The following STK3 variants were observed in gnomAD, a reference collection of about 807,000 sequenced individuals.
STK3 encodes serine/threonine kinase 3.
A neutral mutation model predicts 58.0 loss-of-function variants in STK3; 41 were observed. The ratio of observed to expected loss-of-function variants is 0.71; its 90% CI spans 0.55 to 0.92. The LOEUF is 0.92. STK3 is among the 40% of genes least tolerant of loss of function. The probability of loss-of-function intolerance (pLI) is 0.00; values close to 1 mark genes in which losing one functional copy is unlikely to be tolerated. For missense variants in STK3, 479 were observed against 602.7 expected (o/e 0.79, Z 2.15); for synonymous variants, 170 against 191.0 (o/e 0.89, Z 0.91).
intron 1 of STK3, among the ~76,000 whole-genome samples, chr8:98,808,103 G>T (rs1432410449): frequency 6.6e-6 from 1 of 152,238 alleles, no homozygotes; most frequent in African/African-American, 2.4e-5. Context: ...TCGTGTGACA[G>T]AAGCAAAAAT....
At chr8:98,919,223 G>C (rs1458603194) in intron 1 of STK3, among the ~76,000 whole-genome samples, 1 of 152,132 alleles carries the variant, frequency 6.6e-6, no homozygotes, top group Non-Finnish European at 1.5e-5. Flanking sequence ...CTTAGAAGAG[G>C]GACATTTTGA....
At chr8:98,591,747 T>C (rs1220153409) in intron 7 of STK3, among the ~76,000 whole-genome samples, 2 of 152,218 alleles carry the variant, frequency 1.3e-5, no homozygotes, top group African/African-American at 4.8e-5. Context: ...ATGAATTGCA[T>C]AAAAGCAGGG....
intron 10 of STK3, among the ~76,000 whole-genome samples, chr8:98,487,232 G>A (rs1479068847): frequency 6.6e-6 from 1 of 152,148 alleles, no homozygotes; most frequent in African/African-American, 2.4e-5. Flanking sequence ...CAGATAAAGT[G>A]CCACACAGTA....
intron 2 of STK3, among the ~76,000 whole-genome samples, chr8:98,768,381 G>T (rs1392897652): frequency 6.6e-6 from 1 of 152,134 alleles, no homozygotes; most frequent in Non-Finnish European, 1.5e-5. Context: ...AATCTATGCA[G>T]AAGCCCTTCC....
chr8:98,600,054 G>C (rs1408325987), intron 6 of STK3, among the ~76,000 whole-genome samples: 2 of 152,206 alleles, frequency 1.3e-5, no homozygotes, highest in Non-Finnish European at 2.9e-5. Flanking sequence ...GAAGAGAATA[G>C]TAAATCTAAA....
chr8:98,919,101 T>C (rs1839452587), intron 1 of STK3, among the ~76,000 whole-genome samples: 1 of 152,152 alleles, frequency 6.6e-6, no homozygotes, highest in South Asian at 2.1e-4. Flanking sequence ...TAACAGTTTA[T>C]GAACCCTATA....
In STK3 at chr8:98,767,373, T is replaced by TA; in HGVS notation, c.108-3dup. ...GCTTTAAATACACTTCCATAAGACC[T>TA]AAAAGAAACCAAGACATTATTTTTT... On this transcript the variant is annotated splice_polypyrimidine_tract_variant and splice_region_variant and intron_variant, in intron 2 of 10. Coordinates refer to ENST00000419617, the MANE Select transcript of STK3 (RefSeq NM_006281.4). 1 of 1,589,992 alleles carries TA rather than the reference T, an allele frequency of 6.3e-7. No individual in the cohort carries two copies. The highest frequency in any genetic ancestry group is 8.5e-7 in the Non-Finnish European group (1 of 1,173,786).
At chr8:98,885,348 C>T (rs1837943973) in intron 1 of STK3, among the ~76,000 whole-genome samples, 1 of 152,224 alleles carries the variant, frequency 6.6e-6, no homozygotes, top group African/African-American at 2.4e-5. Context: ...AAACTTTACC[C>T]TCTCTTTTAA....
intron 1 of STK3, among the ~76,000 whole-genome samples, chr8:98,385,184 G>A (rs755313076): frequency 2.0e-5 from 3 of 151,942 alleles, no homozygotes; most frequent in Non-Finnish European, 4.4e-5. Context: ...AAACCCTGTT[G>A]TGCCTTCCTC....
intron 1 of STK3, among the ~76,000 whole-genome samples, chr8:98,889,567 CT>C (rs1414418578): frequency 2.6e-5 from 4 of 152,206 alleles, no homozygotes; most frequent in African/African-American, 9.7e-5. Flanking sequence ...CAAATTTCAT[CT>C]TATCTCCAGT....
At chr8:98,458,781 C>T (rs966051956) in intron 10 of STK3, among the ~76,000 whole-genome samples, 5 of 152,154 alleles carry the variant, frequency 3.3e-5, no homozygotes, top group Non-Finnish European at 7.4e-5. Flanking sequence ...CCCCTCTCAC[C>T]ACGTGAGAAG....
At chr8:98,907,436 C>G (rs1207375098) in intron 1 of STK3, among the ~76,000 whole-genome samples, 2 of 151,882 alleles carry the variant, frequency 1.3e-5, no homozygotes, top group African/African-American at 4.8e-5. Flanking sequence ...TCCCTTGAAC[C>G]TGGGAGGCAG....
At chr8:98,554,424 A>T (rs573789838) in intron 8 of STK3, among the ~76,000 whole-genome samples, 1 of 152,184 alleles carries the variant, frequency 6.6e-6, no homozygotes, top group Non-Finnish European at 1.5e-5. Context: ...GGTATAAAAT[A>T]GTCCTTAGCC....
chr8:98,901,178 A>T (rs966003207), intron 1 of STK3, among the ~76,000 whole-genome samples: 5 of 152,298 alleles, frequency 3.3e-5, no homozygotes, highest in African/African-American at 1.2e-4. Context: ...TCACCACATG[A>T]CTTTAGGAAA....
At chr8:98,446,712 T>C (rs1324371548) in intron 1 of STK3, among the ~76,000 whole-genome samples, 4 of 152,134 alleles carry the variant, frequency 2.6e-5, no homozygotes, top group Non-Finnish European at 4.4e-5. Context: ...AGAACTACTA[T>C]TTGACCCAGC....
In STK3 at chr8:98,618,824, C is replaced by G. The variant is rs1277456479; in HGVS notation, c.685-22655G>C. On this transcript the variant is annotated intron_variant, in intron 6 of 10. Coordinates refer to ENST00000419617, the MANE Select transcript of STK3 (RefSeq NM_006281.4). The stretch of plus-strand genomic sequence containing the variant: ...TCAAGGAAATAGAAGAGGATACAAA[C>G]AAATGGAAGAACATTCCATGCTCAT... 4.0e-5 allele frequency among the ~76,000 whole-genome samples: 6 copies of G among 149,612 alleles called. No individual in the cohort carries two copies. In the South Asian group the frequency reaches 8.6e-4, roughly 21 times the overall value.
intron 3 of STK3, among the ~76,000 whole-genome samples, chr8:98,763,869 T>A (rs1018658259): frequency 6.6e-6 from 1 of 152,120 alleles, no homozygotes; most frequent in African/African-American, 2.4e-5. Context: ...GAAATGGAGT[T>A]TTGCCATGTT....
At chr8:98,826,054 G>A (rs890682223), upstream of STK3, among the ~76,000 whole-genome samples, 1 of 152,024 alleles carries the variant, frequency 6.6e-6, no homozygotes, top group Non-Finnish European at 1.5e-5. Context: ...GGGAAAAGGA[G>A]AAGGTTCCGC....
At chr8:98,402,630 G>A (rs1309393387) in intron 3 of STK3, among the ~76,000 whole-genome samples, 1 of 152,176 alleles carries the variant, frequency 6.6e-6, no homozygotes, top group Non-Finnish European at 1.5e-5. Flanking sequence ...AGTTCAGCCT[G>A]AATCATCTGC....
Sources: gnomAD v4.1 joint callset for allele counts (sites outside exome capture counted in the v4.1 genomes callset) on GRCh38, gnomAD v4.1.1 for gene constraint, MANE v1.5 for transcripts, NCBI Gene and HGNC (gene_info 2026-07-23, HGNC 2026-07-21) for gene names.